ALMS1: variants seen among roughly 807,000 people sequenced by gnomAD.
ALMS1 encodes the protein ALMS1 centrosome and basal body associated protein.
In ALMS1, 271 loss-of-function variants were observed where a neutral mutation model predicts 352.2. The ratio of observed to expected loss-of-function variants is 0.77; its 90% CI spans 0.70 to 0.85. The LOEUF is 0.85. Ranked by LOEUF, ALMS1 falls within the 40% of genes least tolerant of loss-of-function variation. The pLI is 0.00. For missense variants in ALMS1, 5,445 were observed against 4,870.7 expected (o/e 1.12, Z -3.51); for synonymous variants, 1,865 against 1,761.2 (o/e 1.06, Z -1.48).
intron 21 of ALMS1, among the ~76,000 whole-genome samples, chr2:73,607,905 A>G (rs1675849581): frequency 6.7e-6 from 1 of 148,304 alleles, no homozygotes. Context: ...CTCGTGATCC[A>G]CCCACCTCAG....
At chr2:73,563,730 A>T (rs1674715170) in intron 15 of ALMS1, among the ~76,000 whole-genome samples, 1 of 137,528 alleles carries the variant, frequency 7.3e-6, no homozygotes, top group South Asian at 2.2e-4. Context: ...CTCAAAAAAA[A>T]AAAAAAAAAA....
intron 1 of ALMS1, among the ~76,000 whole-genome samples, chr2:73,391,319 A>T (rs1490781640): frequency 1.6e-5 from 1 of 62,598 alleles, no homozygotes; most frequent in Non-Finnish European, 2.7e-5. Context: ...TTTGAGACGG[A>T]GTCTCGCTCT....
intron 16 of ALMS1, among the ~76,000 whole-genome samples, chr2:73,582,131 C>A (rs1675197290): frequency 6.6e-6 from 1 of 152,116 alleles, no homozygotes; most frequent in Non-Finnish European, 1.5e-5. Flanking sequence ...GCTCTTTGCC[C>A]ATCCTTTTAG....
intron 1 of ALMS1, among the ~76,000 whole-genome samples, chr2:73,402,796 A>T (rs938457595): frequency 2.6e-5 from 4 of 152,126 alleles, no homozygotes; most frequent in Non-Finnish European, 5.9e-5. Flanking sequence ...ATATCTTTTC[A>T]TATGCTGATT....
In ALMS1 at chr2:73,453,886, G is replaced by T. The variant is rs1400122858; in HGVS notation, c.7359G>T (p.Lys2453Asn). The change falls in exon 8 of 23, where the codon AAG becomes AAT. Residue 2453 changes from lysine (K) to asparagine (N), a missense_variant. Coordinates refer to ENST00000613296, the MANE Select transcript of ALMS1 (RefSeq NM_001378454.1). Reference sequence around the variant, plus strand: ...ACTTCTTTCCATATGTTTCACCCAAGACAAGTATAACAGATAGCAGGGAGG... The same window carrying T: ...ACTTCTTTCCATATGTTTCACCCAATACAAGTATAACAGATAGCAGGGAGG... ...LLNFFPYVSP[K>N]TSITDSREEE... is the part of the protein sequence containing the mutation. The T allele has an allele frequency of 8.7e-6, 14 of 1,613,940 alleles. No individual in the cohort carries two copies. The African/African-American group carries it at 1.6e-4, about 18-fold the overall frequency.
Position 73,587,003 on chromosome 2 carries a change from T to TTG in ALMS1, c.11548-12397_11548-12396insGT, listed in dbSNP as rs1195864981. 8.7e-5 allele frequency among the ~76,000 whole-genome samples: 13 copies of TTG among 148,900 alleles called. 1 individual carries two copies. Among genetic ancestry groups the TTG allele is most frequent in the African/African-American group, 3.2e-4 (13 of 40,898 alleles). On this transcript the variant is annotated intron_variant, in intron 16 of 22. Coordinates refer to ENST00000613296, the MANE Select transcript of ALMS1 (RefSeq NM_001378454.1). ...TATATTCCTAAGGTTTTGTGTTTTT[T>TTG]TTTGTTTGTTTGTTTATTTGTTTGT... is the stretch of plus-strand genomic sequence containing the variant.
intron 9 of ALMS1, among the ~76,000 whole-genome samples, chr2:73,486,276 G>A (rs1004005007): frequency 5.9e-5 from 9 of 152,120 alleles, no homozygotes; most frequent in African/African-American, 2.2e-4. Flanking sequence ...GGGGCATTTT[G>A]TTTTGCTGGA....
chr2:73,584,466 C>T (rs780683914), intron 16 of ALMS1, among the ~76,000 whole-genome samples: 3 of 152,124 alleles, frequency 2.0e-5, no homozygotes, highest in Non-Finnish European at 4.4e-5. Context: ...GAGTGATCAT[C>T]TTTTATGTTC....
chr2:73,512,023 A>G (rs1673463466), intron 10 of ALMS1, among the ~76,000 whole-genome samples: 1 of 152,292 alleles, frequency 6.6e-6, no homozygotes, highest in African/African-American at 2.4e-5. Flanking sequence ...TGAGAGATCA[A>G]GTTCCTCCAC....
chr2:73,421,521 C>T (rs771877370), intron 3 of ALMS1, among the ~76,000 whole-genome samples: 6 of 152,074 alleles, frequency 3.9e-5, no homozygotes, highest in Admixed American at 3.3e-4. Context: ...TCCTTGGTGG[C>T]AAAGGTTATT....
intron 13 of ALMS1, among the ~76,000 whole-genome samples, chr2:73,554,149 AAAGT>A (rs1426011014): frequency 6.6e-6 from 1 of 152,020 alleles, no homozygotes; most frequent in Non-Finnish European, 1.5e-5. Flanking sequence ...TCACCTCAAA[AAAGT>A]AAGAAGAAAA....
chr2:73,520,084 T>A (rs1239283334), intron 11 of ALMS1, 68 bp downstream of exon 11: 1 of 1,601,292 alleles, frequency 6.2e-7, no homozygotes, highest in African/African-American at 1.3e-5. Flanking sequence ...TAGAAATTTG[T>A]GGTTGTGTCT....
At chr2:73,512,098 C>T (rs1022374606) in intron 10 of ALMS1, among the ~76,000 whole-genome samples, 7 of 152,144 alleles carry the variant, frequency 4.6e-5, no homozygotes, top group Admixed American at 4.6e-4. Flanking sequence ...TGGAGTCTCA[C>T]TCTGTCACCC....
chr2:73,520,134 T>A, intron 11 of ALMS1, 118 bp downstream of exon 11: 1 of 1,286,300 alleles, frequency 7.8e-7, no homozygotes, highest in South Asian at 1.2e-5. Flanking sequence ...AGAATTAGGG[T>A]CCATATGATT....
At chr2:73,474,076 T>C (rs922602874) in intron 9 of ALMS1, among the ~76,000 whole-genome samples, 4 of 152,126 alleles carry the variant, frequency 2.6e-5, no homozygotes, top group African/African-American at 9.7e-5. Context: ...TTGTTAAATA[T>C]TTAGCATAGA....
chr2:73,476,930 A>G (rs538805353), intron 9 of ALMS1, among the ~76,000 whole-genome samples: 1 of 152,280 alleles, frequency 6.6e-6, no homozygotes, highest in South Asian at 2.1e-4. Flanking sequence ...GTTAATTGAT[A>G]AAACAAGAGT....
chr2:73,587,378 A>G (rs991453076), intron 16 of ALMS1, among the ~76,000 whole-genome samples: 1 of 152,076 alleles, frequency 6.6e-6, no homozygotes, highest in Non-Finnish European at 1.5e-5. Context: ...AATCCTTTTA[A>G]CCTTTTCCCC....
At chr2:73,413,850 C>G (rs747003664) in intron 2 of ALMS1, among the ~76,000 whole-genome samples, 1 of 151,910 alleles carries the variant, frequency 6.6e-6, no homozygotes, top group Non-Finnish European at 1.5e-5. Context: ...ATTAATTGAC[C>G]TTGTATATGT....
intron 9 of ALMS1, chr2:73,459,369 A>G (rs1672139750): frequency 6.6e-6 from 1 of 152,180 alleles, no homozygotes; most frequent in African/African-American, 2.4e-5. Flanking sequence ...TAAGTTAATA[A>G]ATATTAGGGA....
Sources: allele counts gnomAD v4.1 joint callset (sites outside exome capture counted in the v4.1 genomes callset), GRCh38; gene constraint gnomAD v4.1.1; transcripts MANE v1.5; gene names NCBI Gene and HGNC (gene_info 2026-07-23, HGNC 2026-07-21).